EXOC6B: variants seen among roughly 807,000 people sequenced by gnomAD.
EXOC6B encodes SEC15 homolog B.
A neutral mutation model predicts 113.5 loss-of-function variants in EXOC6B; 54 were observed. The ratio of observed to expected loss-of-function variants is 0.48; its 90% CI spans 0.38 to 0.60. The LOEUF is 0.60. EXOC6B is among the 20% of genes least tolerant of loss of function. The pLI, the probability that EXOC6B is intolerant of heterozygous loss-of-function variation, is 0.00. For missense variants in EXOC6B, 797 were observed against 977.5 expected, an observed-to-expected ratio of 0.82 and a Z score of 2.46; for synonymous variants, 357 against 339.0, an observed-to-expected ratio of 1.05 and a Z score of -0.58.
intron 20 of EXOC6B, among the ~76,000 whole-genome samples, chr2:72,331,902 T>C (rs1288210580): frequency 6.6e-6 from 1 of 152,124 alleles, no homozygotes; most frequent in East Asian, 1.9e-4. Context: ...TCTAATTTGC[T>C]TCCTAATGAA....
At chr2:72,755,911 C>A (rs928762354) in intron 1 of EXOC6B, among the ~76,000 whole-genome samples, 7 of 152,054 alleles carry the variant, frequency 4.6e-5, no homozygotes, top group African/African-American at 1.4e-4. Flanking sequence ...CAGCCTGGAG[C>A]CATTTTTGGC....
chr2:72,397,003 T>C (rs1219194485), intron 18 of EXOC6B, among the ~76,000 whole-genome samples: 1 of 151,898 alleles, frequency 6.6e-6, no homozygotes, highest in Non-Finnish European at 1.5e-5. Flanking sequence ...TTTCAAAATA[T>C]GTTGCCTTTT....
At chr2:72,757,508 C>T (rs1682493501) in intron 1 of EXOC6B, among the ~76,000 whole-genome samples, 1 of 152,174 alleles carries the variant, frequency 6.6e-6, no homozygotes, top group Non-Finnish European at 1.5e-5. Flanking sequence ...TAGTGCCAAC[C>T]CCTGCAATGT....
intron 6 of EXOC6B, among the ~76,000 whole-genome samples, chr2:72,710,638 A>C (rs1254488481): frequency 6.6e-6 from 1 of 152,220 alleles, no homozygotes; most frequent in African/African-American, 2.4e-5. Flanking sequence ...AGGCTTCAAC[A>C]ATACTTTTAC....
At chr2:72,526,924 C>G (rs569195687) in intron 8 of EXOC6B, among the ~76,000 whole-genome samples, 1 of 151,936 alleles carries the variant, frequency 6.6e-6, no homozygotes, top group South Asian at 2.1e-4. Context: ...TATCCAGTCC[C>G]CCAAATTTAA....
At chr2:72,589,949 G>A (rs767500570) in intron 6 of EXOC6B, among the ~76,000 whole-genome samples, 2 of 151,920 alleles carry the variant, frequency 1.3e-5, no homozygotes, top group Non-Finnish European at 2.9e-5. Flanking sequence ...CAAAGTGAAG[G>A]GCAGTACTCC....
chr2:72,326,866 G>A (rs183114710), intron 20 of EXOC6B, among the ~76,000 whole-genome samples: 13 of 152,172 alleles, frequency 8.5e-5, no homozygotes, highest in African/African-American at 3.1e-4. Flanking sequence ...CTCCAAGGAT[G>A]AAGCGGAAAG....
intron 20 of EXOC6B, among the ~76,000 whole-genome samples, chr2:72,312,661 A>G (rs1357457256): frequency 6.6e-6 from 1 of 151,940 alleles, no homozygotes; most frequent in Admixed American, 6.6e-5. Context: ...AGGCTGAGGC[A>G]GGAGAATCGC....
At chr2:72,242,497 G>T (rs1439759031) in intron 20 of EXOC6B, among the ~76,000 whole-genome samples, 2 of 151,700 alleles carry the variant, frequency 1.3e-5, no homozygotes, top group African/African-American at 4.8e-5. Flanking sequence ...TATGCTAAGA[G>T]AAAAGAAAAA....
In EXOC6B at chr2:72,575,588, T is replaced by C. The variant is rs1704790537; in HGVS notation, c.750A>G (p.Ala250=). 1 of 1,610,866 alleles carries C rather than the reference T, an allele frequency of 6.2e-7. No homozygotes were observed. Reference sequence around the variant, plus strand: ...CTATCTCTGTATCAAAGATTATATATGCATCTTTCTTAGATTTCCTCTTGC... The same window carrying C: ...CTATCTCTGTATCAAAGATTATATACGCATCTTTCTTAGATTTCCTCTTGC... The part of the protein sequence containing the change: ...IGSKRKSKKD[A]YIIFDTEIES... The change falls in exon 7 of 22, where the codon GCA becomes GCG. Residue 250 remains alanine, a synonymous_variant. Transcript: ENST00000272427.
At chr2:72,489,552 C>T (rs1322827098) in intron 16 of EXOC6B, among the ~76,000 whole-genome samples, 1 of 152,160 alleles carries the variant, frequency 6.6e-6, no homozygotes, top group Non-Finnish European at 1.5e-5. Flanking sequence ...ACTTTACATG[C>T]TTCACAACAT....
intron 6 of EXOC6B, among the ~76,000 whole-genome samples, chr2:72,592,309 G>A (rs1706020116): frequency 6.6e-6 from 1 of 152,096 alleles, no homozygotes; most frequent in Non-Finnish European, 1.5e-5. Flanking sequence ...TGGCACTTTT[G>A]ACAATGCCAA....
intron 1 of EXOC6B, among the ~76,000 whole-genome samples, chr2:72,777,446 T>A (rs1436486734): frequency 6.6e-6 from 1 of 152,010 alleles, no homozygotes; most frequent in Non-Finnish European, 1.5e-5. Flanking sequence ...GAAAAAAACA[T>A]TGAGCAAAAA....
intron 13 of EXOC6B, among the ~76,000 whole-genome samples, chr2:72,496,800 C>T (rs184302368): frequency 1.6e-4 from 24 of 151,830 alleles, no homozygotes; most frequent in Admixed American, 1.6e-3. Flanking sequence ...AACAAATGGA[C>T]CACAATTATA....
intron 20 of EXOC6B, among the ~76,000 whole-genome samples, chr2:72,224,798 C>CTGTGTGTG (rs34910404): frequency 4.2e-5 from 6 of 144,254 alleles, no homozygotes; most frequent in African/African-American, 1.5e-4. Context: ...TCCAGCTAAT[C>CTGTGTGTG]TGTGTGTGTG....
At chr2:72,813,392 T>A (rs1441196497) in intron 1 of EXOC6B, among the ~76,000 whole-genome samples, 2 of 152,196 alleles carry the variant, frequency 1.3e-5, no homozygotes, top group Non-Finnish European at 2.9e-5. Flanking sequence ...AGCCAAATTT[T>A]AAATATCAAA....
chr2:72,586,120 T>C (rs1705552741), intron 6 of EXOC6B, among the ~76,000 whole-genome samples: 1 of 152,136 alleles, frequency 6.6e-6, no homozygotes, highest in Non-Finnish European at 1.5e-5. Flanking sequence ...AAGATTTCAA[T>C]GGAAAACCTC....
chr2:72,479,266 G>A (rs368402848), intron 17 of EXOC6B, among the ~76,000 whole-genome samples: 7 of 151,950 alleles, frequency 4.6e-5, no homozygotes, highest in African/African-American at 1.7e-4. Flanking sequence ...TAATCACATA[G>A]ATACATAAAG....
intron 1 of EXOC6B, among the ~76,000 whole-genome samples, chr2:72,752,117 C>T (rs1682080990): frequency 1.3e-5 from 2 of 152,080 alleles, no homozygotes; most frequent in Non-Finnish European, 2.9e-5. Flanking sequence ...AAACTGTCAC[C>T]ATTCTCTTTA....
Sources: allele counts gnomAD v4.1 joint callset (sites outside exome capture counted in the v4.1 genomes callset), GRCh38; gene constraint gnomAD v4.1.1; transcripts MANE v1.5; gene names NCBI Gene and HGNC (gene_info 2026-07-23, HGNC 2026-07-21).